The following UNC5C variants were observed in gnomAD, a reference collection of about 807,000 sequenced individuals.
The protein encoded by UNC5C is netrin receptor UNC5C.
UNC5C carries 47 observed loss-of-function variants against 99.8 expected under a neutral mutation model. That is an observed-to-expected ratio of 0.47 (90% confidence interval 0.37 to 0.60). The LOEUF (loss-of-function observed/expected upper bound fraction) is 0.60. UNC5C is among the 20% of genes least tolerant of loss of function. UNC5C has a pLI of 0.00. For synonymous variants in UNC5C, 487 were observed against 452.2 expected (o/e 1.08, Z -0.98); for missense variants, 1,062 against 1,165.9 (o/e 0.91, Z 1.30).
intron 3 of UNC5C, among the ~76,000 whole-genome samples, chr4:95,300,705 A>G (rs568571306): frequency 6.6e-6 from 1 of 152,224 alleles, no homozygotes; most frequent in Admixed American, 6.5e-5. Flanking sequence ...TCCCTAAAGA[A>G]AAATTACTCA....
At chr4:95,548,612 G>A (rs1336770731) in intron 1 of UNC5C, 122 bp downstream of exon 1, 13 of 1,157,276 alleles carry the variant, frequency 1.1e-5, no homozygotes, top group Non-Finnish European at 1.5e-5. Context: ...GGAATTTAGA[G>A]TGGTTTCCAG....
At chr4:95,422,039 G>A (rs1746333688) in intron 1 of UNC5C, among the ~76,000 whole-genome samples, 1 of 152,146 alleles carries the variant, frequency 6.6e-6, no homozygotes, top group African/African-American at 2.4e-5. Context: ...GTGCTGACTG[G>A]TCCCAAGACA....
chr4:95,288,258 T>A (rs983803718), intron 3 of UNC5C, among the ~76,000 whole-genome samples: 1 of 152,022 alleles, frequency 6.6e-6, no homozygotes, highest in African/African-American at 2.4e-5. Context: ...AATTTTTTTG[T>A]ATTTTTAGTA....
chr4:95,226,657 T>G (rs930421573), intron 7 of UNC5C, among the ~76,000 whole-genome samples: 2 of 152,238 alleles, frequency 1.3e-5, no homozygotes, highest in African/African-American at 4.8e-5. Context: ...ACTCTCTTCA[T>G]GTAAAAAGGC....
chr4:95,392,388 A>G (rs896426775), intron 1 of UNC5C, among the ~76,000 whole-genome samples: 1 of 151,800 alleles, frequency 6.6e-6, no homozygotes, highest in Admixed American at 6.6e-5. Flanking sequence ...CATAATTTAT[A>G]TACTTAACAA....
At chr4:95,300,715 A>C (rs954333849) in intron 3 of UNC5C, among the ~76,000 whole-genome samples, 11 of 152,200 alleles carry the variant, frequency 7.2e-5, no homozygotes, top group Admixed American at 6.5e-4. Flanking sequence ...AAAATTACTC[A>C]GTGCCTTAAA....
intron 3 of UNC5C, among the ~76,000 whole-genome samples, chr4:95,278,886 A>G (rs892025528): frequency 6.6e-6 from 1 of 152,196 alleles, no homozygotes; most frequent in African/African-American, 2.4e-5. Context: ...TTCCTACTTT[A>G]AACTTCAATG....
chr4:95,377,865 T>G (rs1433289518), intron 1 of UNC5C, among the ~76,000 whole-genome samples: 1 of 152,178 alleles, frequency 6.6e-6, no homozygotes, highest in Non-Finnish European at 1.5e-5. Context: ...TTAGACAATA[T>G]GTATAAGCAG....
intron 1 of UNC5C, among the ~76,000 whole-genome samples, chr4:95,347,289 T>C (rs932853112): frequency 6.6e-6 from 1 of 152,088 alleles, no homozygotes; most frequent in Non-Finnish European, 1.5e-5. Context: ...AGATATTCCA[T>C]GTTCGTGGGC....
At chr4:95,506,377 T>C (rs1220812135) in intron 1 of UNC5C, among the ~76,000 whole-genome samples, 1 of 152,002 alleles carries the variant, frequency 6.6e-6, no homozygotes, top group African/African-American at 2.4e-5. Flanking sequence ...TGATGCCCAA[T>C]AGCACAGCAC....
At chr4:95,523,883 C>T (rs1476578512) in intron 1 of UNC5C, among the ~76,000 whole-genome samples, 1 of 151,890 alleles carries the variant, frequency 6.6e-6, no homozygotes, top group Non-Finnish European at 1.5e-5. Flanking sequence ...ATAAAAGGTT[C>T]ACAAATAATT....
At chr4:95,441,607 C>T (rs1021407096) in intron 1 of UNC5C, among the ~76,000 whole-genome samples, 2 of 151,884 alleles carry the variant, frequency 1.3e-5, no homozygotes, top group Non-Finnish European at 2.9e-5. Flanking sequence ...CTTGCAAAAA[C>T]TAGGTATAAT....
chr4:95,537,134 C>A (rs1180952094), intron 1 of UNC5C, among the ~76,000 whole-genome samples: 1 of 151,458 alleles, frequency 6.6e-6, no homozygotes, highest in African/African-American at 2.4e-5. Flanking sequence ...TTTTTTAAAA[C>A]CCATATAAGG....
At chr4:95,390,963 T>C (rs1157542666) in intron 1 of UNC5C, among the ~76,000 whole-genome samples, 1 of 152,186 alleles carries the variant, frequency 6.6e-6, no homozygotes, top group Non-Finnish European at 1.5e-5. Flanking sequence ...CCACATGTTG[T>C]GGGAGGGACC....
chr4:95,445,534 G>T (rs1747074982), intron 1 of UNC5C, among the ~76,000 whole-genome samples: 1 of 152,064 alleles, frequency 6.6e-6, no homozygotes, highest in Admixed American at 6.5e-5. Flanking sequence ...AATTCAGTAA[G>T]ATAAGGATAC....
At chr4:95,182,213 G>GAAAT (rs887620771) in intron 14 of UNC5C, among the ~76,000 whole-genome samples, 1 of 152,188 alleles carries the variant, frequency 6.6e-6, no homozygotes, top group African/African-American at 2.4e-5. Context: ...TGGACACAGG[G>GAAAT]AAATAGCCAA....
At chr4:95,319,652 G>C (rs1005890979) in intron 2 of UNC5C, among the ~76,000 whole-genome samples, 2 of 152,144 alleles carry the variant, frequency 1.3e-5, no homozygotes, top group Admixed American at 1.3e-4. Context: ...GCTGAGGGAA[G>C]ACTCAGGACT....
chr4:95,398,065 C>CTTTTTTTTTTTTTTTTTTTTTTTTT (rs1479323772), intron 1 of UNC5C, among the ~76,000 whole-genome samples: 1 of 45,700 alleles, frequency 2.2e-5, no homozygotes, highest in African/African-American at 1.1e-4. Context: ...TTTTTTTTTG[C>CTTTTTTTTTTTTTTTTTTTTTTTTT]TTATGTAAAA....
At chr4:95,323,959 C>T (rs1742793479) in intron 2 of UNC5C, among the ~76,000 whole-genome samples, 1 of 152,038 alleles carries the variant, frequency 6.6e-6, no homozygotes, top group South Asian at 2.1e-4. Context: ...TCGCTTGAAC[C>T]CGGGAGGCGG....
Sources: gnomAD v4.1 joint callset for allele counts (sites outside exome capture counted in the v4.1 genomes callset) on GRCh38, gnomAD v4.1.1 for gene constraint, MANE v1.5 for transcripts, NCBI Gene and HGNC (gene_info 2026-07-23, HGNC 2026-07-21) for gene names.